The following SYTL3 variants were observed in gnomAD, a reference collection of about 807,000 sequenced individuals.
SYTL3 encodes the protein synaptotagmin-like protein 3.
In SYTL3, 88 loss-of-function variants were observed where a neutral mutation model predicts 82.1. The observed-to-expected ratio is 1.07, with a 90% CI of 0.90 to 1.28. The LOEUF is 1.28. Among genes scored for constraint, SYTL3 ranks in the 50% most tolerant of loss-of-function variants. The pLI, the probability that SYTL3 is intolerant of heterozygous loss-of-function variation, is 0.00. For synonymous variants in SYTL3, 311 were observed against 289.4 expected, an observed-to-expected ratio of 1.07 and a Z score of -0.76; for missense variants, 831 against 757.6, an observed-to-expected ratio of 1.10 and a Z score of -1.14.
intron 11 of SYTL3, among the ~76,000 whole-genome samples, chr6:158,744,865 G>A (rs925500690): frequency 6.6e-6 from 1 of 152,148 alleles, no homozygotes; most frequent in Non-Finnish European, 1.5e-5. Context: ...GTATAAGCTT[G>A]GAGTACCCTA....
Position 158,663,172 on chromosome 6 carries a change from T to C in SYTL3, c.-97T>C, listed in dbSNP as rs112558747. On this transcript the variant is annotated 5_prime_UTR_variant, in exon 4 of 18. Transcript: ENST00000611299. ...GGAGAGGGAGCTCTTTAAACAAGGC[T>C]GGCTGCAGCTGGCCTCCGCCGCTCA... 1,240 of 1,012,576 alleles carry C rather than the reference T, an allele frequency of 1.2e-3. 13 individuals are homozygous for C. In the African/African-American group the frequency reaches 0.017, roughly 14 times the overall value. The allele number at this position is 1,012,576 out of a possible 1,614,324, so 62.7% of individuals were successfully genotyped here. A position where few individuals can be genotyped will look rare whatever the true frequency, so the allele number is the denominator to read the frequency against.
chr6:158,720,791 A>G (rs1784017561), intron 10 of SYTL3, among the ~76,000 whole-genome samples: 1 of 152,150 alleles, frequency 6.6e-6, no homozygotes, highest in African/African-American at 2.4e-5. Flanking sequence ...ACTGGGGCAA[A>G]GAGATGACCA....
At chr6:158,728,429 C>T (rs889774664) in intron 11 of SYTL3, among the ~76,000 whole-genome samples, 5 of 143,424 alleles carry the variant, frequency 3.5e-5, no homozygotes, top group African/African-American at 1.3e-4. Context: ...TGTGGATCTC[C>T]TTATGGACTC....
intron 1 of SYTL3, among the ~76,000 whole-genome samples, chr6:158,650,654 A>C (rs923049553): frequency 6.6e-6 from 1 of 152,182 alleles, no homozygotes; most frequent in Non-Finnish European, 1.5e-5. Flanking sequence ...TTATTAAATT[A>C]GAATTGGGCT....
chr6:158,752,484 AT>A (rs1399045081), intron 13 of SYTL3, among the ~76,000 whole-genome samples: 3 of 152,030 alleles, frequency 2.0e-5, no homozygotes, highest in Non-Finnish European at 2.9e-5. Context: ...TTCTAATTTT[AT>A]TTTTTTTAAA....
intron 6 of SYTL3, among the ~76,000 whole-genome samples, chr6:158,691,807 A>G (rs1779905070): frequency 6.6e-6 from 1 of 150,550 alleles, no homozygotes; most frequent in African/African-American, 2.4e-5. Context: ...ACCTGTCACC[A>G]CGCCTGGCTA....
intron 10 of SYTL3, among the ~76,000 whole-genome samples, chr6:158,724,682 T>C (rs1458897468): frequency 6.6e-6 from 1 of 152,250 alleles, no homozygotes; most frequent in Non-Finnish European, 1.5e-5. Context: ...GTGTGGCTAG[T>C]GACTACCATA....
At chr6:158,698,274 G>A (rs1370423533) in intron 6 of SYTL3, among the ~76,000 whole-genome samples, 3 of 151,728 alleles carry the variant, frequency 2.0e-5, no homozygotes, top group African/African-American at 7.3e-5. Flanking sequence ...GTGGGTACCT[G>A]TAATCCCAGC....
At chr6:158,722,501 G>A (rs1056306924) in intron 10 of SYTL3, among the ~76,000 whole-genome samples, 1 of 152,118 alleles carries the variant, frequency 6.6e-6, no homozygotes, top group Non-Finnish European at 1.5e-5. Flanking sequence ...TGAACCACAT[G>A]TTCTGAAAAC....
intron 2 of SYTL3, among the ~76,000 whole-genome samples, chr6:158,658,770 CAAAA>C (rs35484799): frequency 2.0e-5 from 3 of 151,562 alleles, no homozygotes; most frequent in African/African-American, 7.3e-5. Context: ...ACTAAAAATA[CAAAA>C]AAAAATTAGC....
At chr6:158,674,249 T>G (rs2128389974) in intron 5 of SYTL3, among the ~76,000 whole-genome samples, 1 of 152,306 alleles carries the variant, frequency 6.6e-6, no homozygotes, top group Middle Eastern at 3.4e-3. Flanking sequence ...TTCTGCTCTT[T>G]TCTGCTGATG....
At position 158,713,831 on chromosome 6, in the gene SYTL3, A is replaced by T; in HGVS notation, c.548A>T (p.Asn183Ile). 6.4e-7 allele frequency: 1 copy of T among 1,550,656 alleles called. No individual in the cohort carries two copies. Among genetic ancestry groups the T allele is most frequent in the South Asian group, 1.2e-5 (1 of 84,050 alleles). The change falls in exon 9 of 18, where the codon AAT becomes ATT. Residue 183 changes from asparagine to isoleucine, a missense_variant. Asn to Ile is a moderately radical substitution (Grantham distance 149). Coordinates refer to ENST00000611299, the MANE Select transcript of SYTL3 (RefSeq NM_001242394.2). ...GAATTTGGTCAGTTTAGAGGATTTAATAAGTCCGTGGAAAATTTGTTTCTG... is the reference window on the plus strand; with the variant it reads ...GAATTTGGTCAGTTTAGAGGATTTATTAAGTCCGTGGAAAATTTGTTTCTG... The part of the protein sequence containing the change: ...LQEFGQFRGF[N>I]KSVENLFLSL...
Position 158,665,452 on chromosome 6 carries a change from G to A in SYTL3, c.168G>A (p.Trp56Ter). The A allele has an allele frequency of 6.2e-7, 1 of 1,609,026 alleles. No individual in the cohort carries two copies. The highest frequency in any genetic ancestry group is 8.5e-7 in the Non-Finnish European group (1 of 1,177,802). The change falls in exon 5 of 18, where the codon TGG (tryptophan) becomes TGA (stop). Residue 56 changes from tryptophan to a stop codon, truncating the protein, a stop_gained. Transcript: ENST00000611299. LOFTEE classifies it high-confidence loss of function. ...GGAAAGGAGCGAAGAACACGGACTG[G>A]GAGCACAAAGAGAAGTGCTGTGCGC... The part of the protein sequence containing the change: ...LRWKGAKNTD[W>*]EHKEKCCARC...
At chr6:158,736,062 G>C (rs1476127433) in intron 11 of SYTL3, among the ~76,000 whole-genome samples, 2 of 152,204 alleles carry the variant, frequency 1.3e-5, no homozygotes, top group Non-Finnish European at 2.9e-5. Context: ...TTGAAAAACT[G>C]TCAACAACGG....
intron 12 of SYTL3, among the ~76,000 whole-genome samples, chr6:158,749,634 C>T (rs963880350): frequency 7.4e-5 from 11 of 149,246 alleles, no homozygotes; most frequent in African/African-American, 2.7e-4. Flanking sequence ...CACAGGTGCA[C>T]ACCACCGTGC....
At chr6:158,649,630 T>G (rs1342491571), upstream of SYTL3, among the ~76,000 whole-genome samples, 5 of 152,262 alleles carry the variant, frequency 3.3e-5, no homozygotes, top group African/African-American at 4.8e-5. Flanking sequence ...TCATCGCTCT[T>G]GGCCTGGCTG....
intron 2 of SYTL3, among the ~76,000 whole-genome samples, chr6:158,659,418 C>T (rs915960414): frequency 2.6e-5 from 4 of 152,110 alleles, no homozygotes; most frequent in African/African-American, 9.7e-5. Flanking sequence ...TGCGATGGTG[C>T]GATCTTGGCT....
intron 6 of SYTL3, among the ~76,000 whole-genome samples, chr6:158,693,430 C>T (rs1339041159): frequency 3.3e-5 from 5 of 152,172 alleles, no homozygotes; most frequent in Admixed American, 1.3e-4. Flanking sequence ...CTCTGTCACC[C>T]AGGCTGGAGT....
chr6:158,670,784 GAAAAA>G (rs1182062428), intron 5 of SYTL3, among the ~76,000 whole-genome samples: 1 of 148,686 alleles, frequency 6.7e-6, no homozygotes. Flanking sequence ...TCAAAAAAAA[GAAAAA>G]AAAGAAATGT....
Sources: allele counts gnomAD v4.1 joint callset (sites outside exome capture counted in the v4.1 genomes callset), GRCh38; gene constraint gnomAD v4.1.1; transcripts MANE v1.5; gene names NCBI Gene and HGNC (gene_info 2026-07-23, HGNC 2026-07-21).